Variants in PCDH9 observed in about 807,000 individuals in gnomAD.
PCDH9 encodes the protein protocadherin 9.
In PCDH9, 24 loss-of-function variants were observed where a neutral mutation model predicts 70.6. That is an observed-to-expected ratio of 0.34 (90% CI 0.25 to 0.48). PCDH9 has a LOEUF of 0.48. Among genes scored for constraint, PCDH9 ranks in the 20% least tolerant of loss-of-function variants. PCDH9 has a pLI of 0.99. For synonymous variants in PCDH9, 562 were observed against 558.5 expected (o/e 1.01, Z -0.09); for missense variants, 1,281 against 1,503.6 (o/e 0.85, Z 2.45).
At chr13:67,003,809 T>C (rs948371408) in intron 2 of PCDH9, among the ~76,000 whole-genome samples, 5 of 152,224 alleles carry the variant, frequency 3.3e-5, no homozygotes, top group East Asian at 1.9e-4. Flanking sequence ...CTTTTAATGA[T>C]TGCTCCTCGT....
rs146526419 is a variant in PCDH9, at chr13:66,498,864, T to G, written c.3340+132346A>C. Among the ~76,000 whole-genome samples, 683 of 151,978 alleles carry G rather than the reference T, an allele frequency of 4.5e-3. 11 individuals carry two copies. Among genetic ancestry groups the G allele is most frequent in the African/African-American group, 0.016 (661 of 41,428 alleles). On this transcript the variant is annotated intron_variant, in intron 4 of 4. Transcript: ENST00000377865. ...TTTTTCTCTTAAGTTCATTGGCAGC[T>G]ATACCAAAAGTTGTTTTTCACCAAC... is the stretch of plus-strand genomic sequence containing the variant.
chr13:66,905,499 A>G (rs994857468), intron 2 of PCDH9, among the ~76,000 whole-genome samples: 3 of 152,156 alleles, frequency 2.0e-5, no homozygotes, highest in Non-Finnish European at 2.9e-5. Context: ...ATATTCAGAC[A>G]ATTCTAATGT....
intron 3 of PCDH9, among the ~76,000 whole-genome samples, chr13:66,740,066 C>T (rs2079232670): frequency 6.7e-6 from 1 of 149,960 alleles, no homozygotes; most frequent in Non-Finnish European, 1.5e-5. Context: ...CACACCTATT[C>T]CAAAATTGAC....
At chr13:66,644,982 T>A (rs2138974296) in intron 3 of PCDH9, among the ~76,000 whole-genome samples, 1 of 152,210 alleles carries the variant, frequency 6.6e-6, no homozygotes, top group East Asian at 1.9e-4. Context: ...GATGGCACTT[T>A]GAGAATTAAG....
At chr13:67,195,664 C>T (rs991348502) in intron 2 of PCDH9, among the ~76,000 whole-genome samples, 1 of 151,642 alleles carries the variant, frequency 6.6e-6, no homozygotes, top group African/African-American at 2.4e-5. Context: ...TATATTTTGA[C>T]AATATTGATA....
intron 3 of PCDH9, among the ~76,000 whole-genome samples, chr13:66,818,012 T>A (rs1006581412): frequency 6.6e-6 from 1 of 152,170 alleles, no homozygotes; most frequent in Non-Finnish European, 1.5e-5. Flanking sequence ...GGGGCCAAAA[T>A]AAGTACATAC....
chr13:66,746,220 C>A (rs962839548), intron 3 of PCDH9, among the ~76,000 whole-genome samples: 5 of 152,084 alleles, frequency 3.3e-5, no homozygotes, highest in Non-Finnish European at 7.4e-5. Context: ...CATCTAAAAA[C>A]AATGCTATGT....
chr13:67,226,911 C>T lies in PCDH9; in HGVS notation c.1530G>A (p.Pro510=), dbSNP rs568719540. 2.5e-6 allele frequency: 4 copies of T among 1,614,048 alleles called. No individual in the cohort carries two copies. The highest frequency in any genetic ancestry group is 2.2e-5 in the East Asian group (1 of 44,892). ...GGTCCAGATCAAAGAAGGAGGCATT[C>T]GGTCCAAGCTGATAAACAATGTCTG... ...KNADIVYQLG[P]NASFFDLDRK... is the part of the protein sequence containing the mutation. The change falls in exon 2 of 5, where the codon CCG becomes CCA. Residue 510 remains proline, a synonymous_variant. Coordinates refer to ENST00000377865, the MANE Select transcript of PCDH9 (RefSeq NM_203487.3). This position sits in a 1 kb window ranked among gnomAD's most constrained non-coding sequence, Gnocchi z 5.0.
At chr13:66,808,676 A>C (rs534269419) in intron 3 of PCDH9, among the ~76,000 whole-genome samples, 1 of 152,296 alleles carries the variant, frequency 6.6e-6, no homozygotes, top group South Asian at 2.1e-4. Flanking sequence ...TAGTAGGCTA[A>C]TTGATCACAG....
At chr13:66,528,756 C>T (rs893200890) in intron 4 of PCDH9, among the ~76,000 whole-genome samples, 3 of 152,032 alleles carry the variant, frequency 2.0e-5, no homozygotes, top group African/African-American at 4.8e-5. Context: ...AGTAAAACTG[C>T]CCTGATTTAC....
At chr13:66,952,583 G>T (rs959717034) in intron 2 of PCDH9, among the ~76,000 whole-genome samples, 5 of 152,118 alleles carry the variant, frequency 3.3e-5, no homozygotes, top group Non-Finnish European at 7.3e-5. Context: ...TTAAATGCAA[G>T]GTCACTGATT....
At chr13:66,455,477 T>A (rs1958300267) in intron 4 of PCDH9, among the ~76,000 whole-genome samples, 1 of 152,060 alleles carries the variant, frequency 6.6e-6, no homozygotes, top group African/African-American at 2.4e-5. Flanking sequence ...AACTATTATG[T>A]TTCACTCTTG....
chr13:66,596,070 A>G (rs933917326), intron 4 of PCDH9, among the ~76,000 whole-genome samples: 1 of 151,710 alleles, frequency 6.6e-6, no homozygotes. Context: ...AAATCATTAC[A>G]AACAAAACCA....
chr13:67,049,683 A>C (rs260164), intron 2 of PCDH9, among the ~76,000 whole-genome samples: 135,794 of 152,256 alleles, frequency 0.89, 60,647 homozygotes, highest in East Asian at 0.98. Context: ...TCAGAGTTAA[A>C]TTTTCAAACA....
intron 4 of PCDH9, among the ~76,000 whole-genome samples, chr13:66,385,240 G>C (rs1956909932): frequency 6.6e-6 from 1 of 151,720 alleles, no homozygotes; most frequent in African/African-American, 2.4e-5. Flanking sequence ...TACTTACCTT[G>C]ATTACTAGTT....
intron 3 of PCDH9, among the ~76,000 whole-genome samples, chr13:66,655,668 T>C (rs1346342068): frequency 6.6e-6 from 1 of 152,186 alleles, no homozygotes; most frequent in African/African-American, 2.4e-5. Context: ...AAAATTATCA[T>C]TGTACAAGTT....
intron 2 of PCDH9, among the ~76,000 whole-genome samples, chr13:67,164,238 A>G (rs1046459383): frequency 6.6e-6 from 1 of 152,214 alleles, no homozygotes; most frequent in Non-Finnish European, 1.5e-5. Context: ...TTGAAAATAC[A>G]TATTATATCT....
chr13:66,908,540 A>C (rs978527814), intron 2 of PCDH9, among the ~76,000 whole-genome samples: 1 of 152,188 alleles, frequency 6.6e-6, no homozygotes, highest in African/African-American at 2.4e-5. Flanking sequence ...ATCTCTTAGA[A>C]CACCCCCAAT....
chr13:66,936,165 G>T (rs1440238274), intron 2 of PCDH9, among the ~76,000 whole-genome samples: 1 of 152,094 alleles, frequency 6.6e-6, no homozygotes, highest in East Asian at 1.9e-4. Flanking sequence ...ATGATACCAG[G>T]TTTCTCTTAA....
Sources: gnomAD v4.1 joint callset for allele counts (sites outside exome capture counted in the v4.1 genomes callset) on GRCh38, gnomAD v4.1.1 for gene constraint, Gnocchi (gnomAD v3.1) non-coding constraint, MANE v1.5 for transcripts, NCBI Gene and HGNC (gene_info 2026-07-23, HGNC 2026-07-21) for gene names.